The following CSMD2 variants were observed in gnomAD, a reference collection of about 807,000 sequenced individuals.
CSMD2 encodes CUB and Sushi multiple domains 2.
CSMD2 carries 130 observed loss-of-function variants against 398.5 expected under a neutral mutation model. The observed-to-expected ratio is 0.33, with a 90% CI of 0.28 to 0.38. CSMD2 has a LOEUF of 0.38. CSMD2 is among the 10% of genes least tolerant of loss of function. The probability of loss-of-function intolerance (pLI) is 1.00; values close to 1 mark genes in which losing one functional copy is unlikely to be tolerated. For missense variants in CSMD2, 3,829 were observed against 4,764.9 expected, an observed-to-expected ratio of 0.80 and a Z score of 5.78; for synonymous variants, 1,828 against 1,908.5, an observed-to-expected ratio of 0.96 and a Z score of 1.10.
chr1:34,064,550 C>A (rs1397534186), intron 2 of CSMD2, among the ~76,000 whole-genome samples: 4 of 152,106 alleles, frequency 2.6e-5, no homozygotes, highest in Non-Finnish European at 5.9e-5. Context: ...CAGTCTGGAC[C>A]CTACTGTTCA....
At chr1:33,851,176 G>A (rs1169467041) in intron 5 of CSMD2, among the ~76,000 whole-genome samples, 1 of 152,160 alleles carries the variant, frequency 6.6e-6, no homozygotes, top group African/African-American at 2.4e-5. Context: ...AAGGCACTGT[G>A]CTCGCAAGTG....
intron 1 of CSMD2, among the ~76,000 whole-genome samples, chr1:34,092,534 C>T (rs1342497584): frequency 1.3e-5 from 2 of 152,146 alleles, no homozygotes; most frequent in African/African-American, 4.8e-5. Context: ...ACAGTGGGCG[C>T]AGGTCAGTGG....
intron 3 of CSMD2, among the ~76,000 whole-genome samples, chr1:33,973,871 C>T (rs904876323): frequency 2.0e-5 from 3 of 152,136 alleles, no homozygotes; most frequent in Non-Finnish European, 4.4e-5. Flanking sequence ...ATAGGAAAGA[C>T]GTCAACACAC....
intron 1 of CSMD2, among the ~76,000 whole-genome samples, chr1:34,107,003 T>C (rs1660590302): frequency 6.6e-6 from 1 of 152,194 alleles, no homozygotes; most frequent in Non-Finnish European, 1.5e-5. Context: ...TGACAGGGAA[T>C]CCTGGACTAG....
At chr1:33,692,790 A>G (rs532999076) in intron 25 of CSMD2, 140 bp downstream of exon 25, 1 of 1,055,544 alleles carries the variant, frequency 9.5e-7, no homozygotes, top group South Asian at 1.5e-5. Flanking sequence ...TAAGGCATCC[A>G]GTATAGCAAC....
intron 26 of CSMD2, among the ~76,000 whole-genome samples, chr1:33,659,851 C>G (rs1336512903): frequency 6.6e-6 from 1 of 152,234 alleles, no homozygotes; most frequent in Admixed American, 6.5e-5. Flanking sequence ...ATATCTGGGC[C>G]TATGCCTATT....
chr1:34,049,977 A>G (rs1652990377), intron 2 of CSMD2, among the ~76,000 whole-genome samples: 1 of 152,318 alleles, frequency 6.6e-6, no homozygotes, highest in Non-Finnish European at 1.5e-5. Context: ...CCTGTCTGCA[A>G]TGTGAAGATG....
chr1:33,675,647 C>A (rs1338723845), intron 25 of CSMD2, among the ~76,000 whole-genome samples: 1 of 152,068 alleles, frequency 6.6e-6, no homozygotes, highest in Non-Finnish European at 1.5e-5. Context: ...CTGGCAGAGA[C>A]ACAACAAAAA....
chr1:33,646,861 C>A, intron 28 of CSMD2, 26 bp from the exon 29 acceptor site: 1 of 1,588,598 alleles, frequency 6.3e-7, no homozygotes, highest in East Asian at 2.3e-5. Context: ...ATCCCACCCC[C>A]ACCCCACTAA....
chr1:34,071,311 T>C (rs1475992765), intron 2 of CSMD2, among the ~76,000 whole-genome samples: 1 of 152,260 alleles, frequency 6.6e-6, no homozygotes, highest in East Asian at 1.9e-4. Flanking sequence ...GCTAGTAGTC[T>C]ATACTGTCTA....
chr1:34,076,924 A>T lies in CSMD2; in HGVS notation c.404+12053T>A, dbSNP rs1409466059. Among the ~76,000 whole-genome samples, 80 of 105,110 alleles carry T rather than the reference A, an allele frequency of 7.6e-4. 1 individual carries two copies. Among genetic ancestry groups the T allele is most frequent in the African/African-American group, 2.6e-3 (58 of 22,440 alleles). The allele number at this position is 105,110 out of a possible 152,430, so 69.0% of individuals were successfully genotyped here. ...TACAGCAAAGCAAAAAAAAAAAAAA[A>T]AAAAATATATATATATATATATATA... On this transcript the variant is annotated intron_variant, in intron 2 of 70. Coordinates refer to ENST00000373381, the MANE Select transcript of CSMD2 (RefSeq NM_001281956.2).
chr1:33,863,805 C>A lies in CSMD2; in HGVS notation c.921-16809G>T, dbSNP rs80270883. On this transcript the variant is annotated intron_variant, in intron 5 of 70. Transcript: ENST00000373381. ...CACTACAGCCTAGGGATTTTAAGCCCCTAAAGTGCAGCAAAACCCACTGCC... is the reference window on the plus strand; with the variant it reads ...CACTACAGCCTAGGGATTTTAAGCCACTAAAGTGCAGCAAAACCCACTGCC... 4.6e-3 allele frequency: 850 copies of A among 184,368 alleles called. 2 individuals are homozygous for A. Among genetic ancestry groups the A allele is most frequent in the Non-Finnish European group, 7.5e-3 (668 of 89,582 alleles). 11.4% of individuals were successfully genotyped at this position (184,368 alleles called of 1,614,324 possible). A position where few individuals can be genotyped will look rare whatever the true frequency, so the allele number is the denominator to read the frequency against.
intron 25 of CSMD2, among the ~76,000 whole-genome samples, chr1:33,674,947 A>G (rs371511169): frequency 1.3e-5 from 2 of 152,362 alleles, no homozygotes; most frequent in African/African-American, 2.4e-5. Flanking sequence ...TCTCTGGGAC[A>G]CATTCAAAGC....
chr1:33,900,791 AAAAG>A, intron 5 of CSMD2, among the ~76,000 whole-genome samples: 1 of 152,354 alleles, frequency 6.6e-6, no homozygotes, highest in Middle Eastern at 3.4e-3. Flanking sequence ...AAAAAAAAAA[AAAAG>A]AGTTTTGTAA....
At chr1:33,940,330 T>C (rs1644625834) in intron 3 of CSMD2, among the ~76,000 whole-genome samples, 1 of 152,166 alleles carries the variant, frequency 6.6e-6, no homozygotes, top group South Asian at 2.1e-4. Context: ...AATGAGGTCA[T>C]ATTCACAGGT....
At chr1:34,090,230 C>A (rs1270075965) in intron 1 of CSMD2, among the ~76,000 whole-genome samples, 3 of 152,328 alleles carry the variant, frequency 2.0e-5, no homozygotes, top group African/African-American at 7.2e-5. Context: ...CGGGGTGGAG[C>A]TGGAGGGACT....
chr1:33,985,130 A>G (rs1046562982), intron 3 of CSMD2, among the ~76,000 whole-genome samples: 1 of 152,186 alleles, frequency 6.6e-6, no homozygotes, highest in Non-Finnish European at 1.5e-5. Flanking sequence ...CACAGCTTCA[A>G]GGCTTCACCA....
rs185619789 is a variant in CSMD2, at chr1:33,655,160, C to T, written c.4448-2699G>A. 7.0e-4 allele frequency among the ~76,000 whole-genome samples: 106 copies of T among 152,340 alleles called. 1 individual carries two copies. The highest frequency in any genetic ancestry group is 2.2e-3 in the African/African-American group (91 of 41,574). On this transcript the variant is annotated intron_variant, in intron 27 of 70. Transcript: ENST00000373381. ...GGTGCAAGCTGCAGATCCTTCTAGA[C>T]AGCCAAGAAGTGGGCAGGTTGGACT... is the stretch of plus-strand genomic sequence containing the variant.
At chr1:33,751,177 AAACTTAAAAC>A (rs1450435668) in intron 13 of CSMD2, among the ~76,000 whole-genome samples, 1 of 152,090 alleles carries the variant, frequency 6.6e-6, no homozygotes, top group Non-Finnish European at 1.5e-5. Context: ...TAGAAAACAA[AAACTTAAAAC>A]AACAGAGCTA....
Sources: allele counts gnomAD v4.1 joint callset (sites outside exome capture counted in the v4.1 genomes callset), GRCh38; gene constraint gnomAD v4.1.1; transcripts MANE v1.5; gene names NCBI Gene and HGNC (gene_info 2026-07-23, HGNC 2026-07-21).